Variants in NRG3 observed in about 807,000 individuals in gnomAD.
The protein encoded by NRG3 is neuregulin 3, also known as pro-neuregulin-3, membrane-bound isoform.
NRG3 carries 31 observed loss-of-function variants against 66.9 expected under a neutral mutation model. The ratio of observed to expected loss-of-function variants is 0.46; its 90% CI spans 0.35 to 0.63. The LOEUF (loss-of-function observed/expected upper bound fraction) is 0.63. Among genes scored for constraint, NRG3 ranks in the 20% least tolerant of loss-of-function variants. NRG3 has a pLI of 0.00. For synonymous variants in NRG3, 393 were observed against 359.4 expected (o/e 1.09, Z -1.06); for missense variants, 910 against 878.9 (o/e 1.04, Z -0.45).
At chr10:82,237,638 A>C (rs770901733) in intron 1 of NRG3, among the ~76,000 whole-genome samples, 1 of 152,074 alleles carries the variant, frequency 6.6e-6, no homozygotes, top group Admixed American at 6.5e-5. Flanking sequence ...TGATCAATCA[A>C]CAATGATTTT....
At chr10:81,937,424 C>A (rs1378849545) in intron 1 of NRG3, among the ~76,000 whole-genome samples, 2 of 152,106 alleles carry the variant, frequency 1.3e-5, no homozygotes, top group Admixed American at 1.3e-4. Flanking sequence ...CACATTCTTA[C>A]CAACATTTAT....
intron 2 of NRG3, among the ~76,000 whole-genome samples, chr10:82,647,875 T>A (rs2051075692): frequency 6.7e-6 from 1 of 149,366 alleles, no homozygotes; most frequent in Non-Finnish European, 1.5e-5. Context: ...TGTAAATTTG[T>A]TTGAGTTCAT....
chr10:82,740,901 A>G (rs2058395114), intron 3 of NRG3, among the ~76,000 whole-genome samples: 1 of 152,034 alleles, frequency 6.6e-6, no homozygotes, highest in African/African-American at 2.4e-5. Context: ...ATAAAAAATT[A>G]CTTTTATATA....
intron 2 of NRG3, among the ~76,000 whole-genome samples, chr10:82,515,155 A>C (rs1163120546): frequency 6.6e-6 from 1 of 152,200 alleles, no homozygotes; most frequent in African/African-American, 2.4e-5. Flanking sequence ...TATTTACTTG[A>C]AAACTATATG....
chr10:81,906,667 T>C (rs1209952975), intron 1 of NRG3, among the ~76,000 whole-genome samples: 1 of 152,160 alleles, frequency 6.6e-6, no homozygotes, highest in Non-Finnish European at 1.5e-5. Context: ...ATAAGAACTT[T>C]GAATTTATTC....
At chr10:82,491,317 A>ATATATATATATATATATAT (rs1564985027) in intron 2 of NRG3, among the ~76,000 whole-genome samples, 31 of 32,986 alleles carry the variant, frequency 9.4e-4, no homozygotes, top group African/African-American at 1.8e-3. Flanking sequence ...TATATATATA[A>ATATATATATATATATATAT]AATAAAGATG....
At chr10:82,735,697 T>G (rs145100017) in intron 2 of NRG3, among the ~76,000 whole-genome samples, 1 of 151,570 alleles carries the variant, frequency 6.6e-6, no homozygotes, top group Non-Finnish European at 1.5e-5. Flanking sequence ...TAAGTGGGAG[T>G]TGAACAATGA....
intron 1 of NRG3, among the ~76,000 whole-genome samples, chr10:82,047,948 C>T (rs12357695): frequency 0.25 from 37,446 of 151,638 alleles, 4,747 homozygotes; most frequent in Middle Eastern, 0.32. Context: ...GGGTTGCAAT[C>T]CTCATCTCTG....
At chr10:82,811,132 A>G (rs935553888) in intron 3 of NRG3, among the ~76,000 whole-genome samples, 4 of 152,168 alleles carry the variant, frequency 2.6e-5, no homozygotes, top group African/African-American at 7.2e-5. Flanking sequence ...AAGCATATAT[A>G]CATACAAACG....
chr10:82,378,989 A>G (rs10884633), intron 2 of NRG3, among the ~76,000 whole-genome samples: 62,503 of 152,018 alleles, frequency 0.41, 15,948 homozygotes, highest in African/African-American at 0.72. Context: ...GTATTCGTGG[A>G]TGGAGAGCAG....
intron 3 of NRG3, among the ~76,000 whole-genome samples, chr10:82,795,614 T>G (rs2060768774): frequency 6.6e-6 from 1 of 152,182 alleles, no homozygotes; most frequent in South Asian, 2.1e-4. Flanking sequence ...TGAACAAGTG[T>G]TCTTCTGGGC....
At chr10:82,256,442 C>G (rs549909131) in intron 1 of NRG3, among the ~76,000 whole-genome samples, 23 of 152,206 alleles carry the variant, frequency 1.5e-4, no homozygotes, top group Non-Finnish European at 2.8e-4. Context: ...TGGCTCACTG[C>G]CCTCTTCAGG....
chr10:81,970,191 GT>G (rs2059880148), intron 1 of NRG3, among the ~76,000 whole-genome samples: 24 of 152,196 alleles, frequency 1.6e-4, no homozygotes, highest in Admixed American at 1.6e-3. Flanking sequence ...CAGAGGAAAA[GT>G]AAAATAGGCA....
intron 1 of NRG3, among the ~76,000 whole-genome samples, chr10:81,892,342 G>A (rs981677332): frequency 1.3e-5 from 2 of 151,866 alleles, no homozygotes; most frequent in African/African-American, 4.8e-5. Context: ...AAGGGTATGA[G>A]GAGCCCTGGA....
At chr10:82,641,001 C>A (rs2050534964) in intron 2 of NRG3, among the ~76,000 whole-genome samples, 3 of 133,992 alleles carry the variant, frequency 2.2e-5, no homozygotes, top group Admixed American at 7.6e-5. Context: ...TTAAATTTTT[C>A]AGTCTGTCGT....
intron 3 of NRG3, among the ~76,000 whole-genome samples, chr10:82,833,008 G>A (rs1321074330): frequency 6.6e-6 from 1 of 152,032 alleles, no homozygotes; most frequent in Non-Finnish European, 1.5e-5. Flanking sequence ...TATCAAAGCT[G>A]TTTCCATGGA....
chr10:82,884,160 G>GA (rs145730526), intron 4 of NRG3, among the ~76,000 whole-genome samples: 1 of 116,470 alleles, frequency 8.6e-6, no homozygotes, highest in African/African-American at 3.8e-5. Context: ...AATTTCCCTT[G>GA]GGGGGAAAAA....
intron 1 of NRG3, among the ~76,000 whole-genome samples, chr10:81,944,761 G>A (rs969176574): frequency 2.0e-5 from 3 of 152,054 alleles, no homozygotes; most frequent in Admixed American, 6.6e-5. Flanking sequence ...AAACTTCTAC[G>A]TATCCTGAGC....
At chr10:82,287,113 C>G (rs1247579473) in intron 1 of NRG3, among the ~76,000 whole-genome samples, 1 of 151,992 alleles carries the variant, frequency 6.6e-6, no homozygotes, top group East Asian at 1.9e-4. Context: ...ATATGTGTCC[C>G]CATCAAATCT....
Sources: allele counts gnomAD v4.1 joint callset (sites outside exome capture counted in the v4.1 genomes callset), GRCh38; gene constraint gnomAD v4.1.1; transcripts MANE v1.5; gene names NCBI Gene and HGNC (gene_info 2026-07-23, HGNC 2026-07-21).